The following GRIA4 variants were observed in gnomAD, a reference collection of about 807,000 sequenced individuals.
The protein encoded by GRIA4 is glutamate receptor 4.
Under a neutral mutation model 104.0 loss-of-function variants are expected in GRIA4, and 34 were observed. The ratio of observed to expected loss-of-function variants is 0.33; its 90% confidence interval spans 0.25 to 0.44. GRIA4 has a LOEUF of 0.44. Among genes scored for constraint, GRIA4 ranks in the 20% least tolerant of loss-of-function variants. The pLI is 1.00. For synonymous variants in GRIA4, 386 were observed against 381.9 expected (o/e 1.01, Z -0.13); for missense variants, 750 against 1,096.5 (o/e 0.68, Z 4.46).
At chr11:105,856,076 G>A (rs1477812210) in intron 4 of GRIA4, among the ~76,000 whole-genome samples, 1 of 152,092 alleles carries the variant, frequency 6.6e-6, no homozygotes, top group African/African-American at 2.4e-5. Flanking sequence ...GATTTATTCT[G>A]TATCCTTAAT....
At chr11:105,851,498 A>G (rs1944807989) in intron 4 of GRIA4, among the ~76,000 whole-genome samples, 1 of 152,170 alleles carries the variant, frequency 6.6e-6, no homozygotes, top group African/African-American at 2.4e-5. Context: ...ACAGCTAGGG[A>G]AATGTAAAGA....
At chr11:105,860,000 T>C (rs550707982) in intron 4 of GRIA4, among the ~76,000 whole-genome samples, 2 of 152,212 alleles carry the variant, frequency 1.3e-5, no homozygotes, top group East Asian at 1.9e-4. Context: ...AGAGAAAGAA[T>C]GCTGGGGTTT....
intron 7 of GRIA4, 68 bp downstream of exon 7, chr11:105,898,495 C>G: frequency 1.0e-6 from 1 of 961,304 alleles, no homozygotes; most frequent in Non-Finnish European, 1.6e-6. Flanking sequence ...GTTTATTATA[C>G]AGTTTTTCCA....
intron 3 of GRIA4, among the ~76,000 whole-genome samples, chr11:105,705,358 T>A (rs1202464497): frequency 6.6e-6 from 1 of 152,288 alleles, no homozygotes; most frequent in Admixed American, 6.5e-5. Flanking sequence ...AATTTCATTA[T>A]ACAGTAGTGA....
intron 3 of GRIA4, among the ~76,000 whole-genome samples, chr11:105,674,075 C>T (rs1219187429): frequency 6.6e-6 from 1 of 151,930 alleles, no homozygotes; most frequent in East Asian, 1.9e-4. Flanking sequence ...TTGTTATTTG[C>T]CTGCAACATT....
intron 3 of GRIA4, among the ~76,000 whole-genome samples, chr11:105,696,337 C>T (rs1250132682): frequency 6.6e-6 from 1 of 152,056 alleles, no homozygotes; most frequent in East Asian, 1.9e-4. Flanking sequence ...AGGACAAGGG[C>T]GATGTCTTAT....
At chr11:105,787,143 A>C (rs1942003853) in intron 4 of GRIA4, among the ~76,000 whole-genome samples, 2 of 152,324 alleles carry the variant, frequency 1.3e-5, no homozygotes, top group South Asian at 4.1e-4. Context: ...TCTCTGTTCC[A>C]GTTCAGAAGT....
chr11:105,867,933 T>A (rs866723092), intron 5 of GRIA4, among the ~76,000 whole-genome samples: 2 of 152,186 alleles, frequency 1.3e-5, no homozygotes, highest in Non-Finnish European at 2.9e-5. Flanking sequence ...CATACATTCA[T>A]TCAACGTCTG....
At chr11:105,852,875 A>G (rs1458544138) in intron 4 of GRIA4, among the ~76,000 whole-genome samples, 1 of 134,442 alleles carries the variant, frequency 7.4e-6, no homozygotes, top group Non-Finnish European at 1.7e-5. Flanking sequence ...AGAAAAGACG[A>G]AAGTAACAGT....
At chr11:105,963,942 T>A (rs1243197803) in intron 14 of GRIA4, among the ~76,000 whole-genome samples, 3 of 152,152 alleles carry the variant, frequency 2.0e-5, no homozygotes, top group African/African-American at 7.2e-5. Flanking sequence ...ACTTCATTTT[T>A]AAAAATCTTC....
chr11:105,675,325 C>T (rs998407096), intron 3 of GRIA4, among the ~76,000 whole-genome samples: 8 of 151,774 alleles, frequency 5.3e-5, no homozygotes, highest in Non-Finnish European at 2.9e-5. Flanking sequence ...CTGAAATCTT[C>T]TGCACATTTT....
At position 105,933,889 on chromosome 11, in the gene GRIA4, G is replaced by C. The variant is rs1418231290; in HGVS notation, c.2214G>C (p.Lys738Asn). Residue 738 changes from lysine (K) to asparagine (N), a missense_variant, in exon 14 of 17, where the codon AAG becomes AAC. Lys to Asn is a moderately conservative substitution (Grantham distance 94, BLOSUM62 0). Around this residue, in one of 3 missense-constraint regions of GRIA4, gnomAD observed 272 missense variants for 524.5 expected, o/e 0.52. Transcript: ENST00000282499. The part of the protein sequence containing the change: ...STMNEYIEQR[K>N]PCDTMKVGGN... ...TGAATGAATACATTGAGCAGCGAAA[G>C]CCATGTGACACGATGAAAGTGGGAG... is the stretch of plus-strand genomic sequence containing the variant. 7.4e-6 allele frequency: 12 copies of C among 1,613,322 alleles called. No individual in the cohort carries two copies. The highest frequency in any genetic ancestry group is 1.0e-5 in the Non-Finnish European group (12 of 1,179,528).
chr11:105,712,309 T>A (rs1195755520), intron 3 of GRIA4, among the ~76,000 whole-genome samples: 1 of 151,616 alleles, frequency 6.6e-6, no homozygotes, highest in Non-Finnish European at 1.5e-5. Flanking sequence ...AATGAAACTG[T>A]GTAAAGCGAA....
intron 3 of GRIA4, among the ~76,000 whole-genome samples, chr11:105,624,793 G>C (rs1950843985): frequency 6.6e-6 from 1 of 151,844 alleles, no homozygotes; most frequent in African/African-American, 2.4e-5. Flanking sequence ...TCTTTTCTCT[G>C]ACAACTAGGA....
chr11:105,877,177 G>T (rs1307860460), intron 5 of GRIA4, among the ~76,000 whole-genome samples: 2 of 152,092 alleles, frequency 1.3e-5, no homozygotes, highest in African/African-American at 2.4e-5. Flanking sequence ...AGCTTAGTTT[G>T]GCTGGATATG....
intron 12 of GRIA4, among the ~76,000 whole-genome samples, chr11:105,926,161 C>A (rs560093753): frequency 2.0e-5 from 3 of 152,054 alleles, no homozygotes. Flanking sequence ...AGACGCTCTT[C>A]GGGTCCAATC....
chr11:105,691,360 A>G (rs1953077096), intron 3 of GRIA4, among the ~76,000 whole-genome samples: 1 of 152,188 alleles, frequency 6.6e-6, no homozygotes, highest in Non-Finnish European at 1.5e-5. Context: ...AAATAAAATA[A>G]CACAGAAAAA....
At chr11:105,818,538 T>C (rs1358470946) in intron 4 of GRIA4, among the ~76,000 whole-genome samples, 1 of 152,156 alleles carries the variant, frequency 6.6e-6, no homozygotes. Flanking sequence ...CATATAATAA[T>C]AGCAACAGAG....
At chr11:105,729,845 G>A (rs1183001215) in intron 3 of GRIA4, among the ~76,000 whole-genome samples, 2 of 152,120 alleles carry the variant, frequency 1.3e-5, no homozygotes, top group Admixed American at 1.3e-4. Context: ...ACTAGGAACT[G>A]ATTGAACATA....
Sources: allele counts gnomAD v4.1 joint callset (sites outside exome capture counted in the v4.1 genomes callset), GRCh38; gene constraint gnomAD v4.1.1; regional missense constraint gnomAD v4.1.1; transcripts MANE v1.5; gene names NCBI Gene and HGNC (gene_info 2026-07-23, HGNC 2026-07-21).